PIGK: variants seen among roughly 807,000 people sequenced by gnomAD.
The protein encoded by PIGK is phosphatidylinositol glycan anchor biosynthesis class K.
A neutral mutation model predicts 50.6 loss-of-function variants in PIGK; 42 were observed. The ratio of observed to expected loss-of-function variants is 0.83; its 90% confidence interval spans 0.65 to 1.07. The LOEUF (loss-of-function observed/expected upper bound fraction) is 1.07, where lower values mean the gene tolerates loss of function less well. Ranked by LOEUF, PIGK falls within the 50% of genes least tolerant of loss-of-function variation. PIGK has a pLI of 0.00. For missense variants in PIGK, 448 were observed against 488.7 expected, an observed-to-expected ratio of 0.92 and a Z score of 0.78; for synonymous variants, 151 against 156.0, an observed-to-expected ratio of 0.97 and a Z score of 0.24.
intron 10 of PIGK, among the ~76,000 whole-genome samples, chr1:77,094,854 T>C (rs1308809311): frequency 6.6e-6 from 1 of 152,114 alleles, no homozygotes; most frequent in Non-Finnish European, 1.5e-5. Context: ...GTGTTTCACA[T>C]CTAGACCGCT....
At chr1:77,185,511 G>C (rs1483355571) in intron 3 of PIGK, among the ~76,000 whole-genome samples, 2 of 152,162 alleles carry the variant, frequency 1.3e-5, no homozygotes, top group Non-Finnish European at 2.9e-5. Context: ...CTAAGGTGAA[G>C]GATAAGTTGC....
At chr1:77,189,471 A>C (rs1218262068) in intron 3 of PIGK, among the ~76,000 whole-genome samples, 1 of 152,020 alleles carries the variant, frequency 6.6e-6, no homozygotes, top group African/African-American at 2.4e-5. Context: ...AGTACCATCT[A>C]ATCAGCTGCC....
intron 9 of PIGK, among the ~76,000 whole-genome samples, chr1:77,132,051 C>T (rs1369759987): frequency 2.0e-5 from 3 of 151,942 alleles, no homozygotes; most frequent in Non-Finnish European, 2.9e-5. Context: ...AAGGAGTATC[C>T]TTCAGTTGAA....
At chr1:77,161,972 C>T (rs1313701302) in intron 6 of PIGK, among the ~76,000 whole-genome samples, 1 of 152,142 alleles carries the variant, frequency 6.6e-6, no homozygotes, top group South Asian at 2.1e-4. Flanking sequence ...CCATATAATT[C>T]AGAATCTAAA....
At chr1:77,163,707 T>C in intron 6 of PIGK, 139 bp downstream of exon 6, 1 of 583,806 alleles carries the variant, frequency 1.7e-6, no homozygotes, top group Non-Finnish European at 3.0e-6. Context: ...TCAGAGGAAA[T>C]AACAAATGTA....
In PIGK at chr1:77,198,253, T is replaced by C. The variant is rs1656079821; in HGVS notation, c.239+8387A>G. On this transcript the variant is annotated intron_variant, in intron 3 of 10. Coordinates refer to ENST00000370812, the MANE Select transcript of PIGK (RefSeq NM_005482.3). ...TGATGAATTTGGCAACATAGTATAA[T>C]ATAATCTCAATACCCAATTCTAGTA... 2.6e-5 allele frequency among the ~76,000 whole-genome samples: 4 copies of C among 152,208 alleles called. No individual in the cohort carries two copies. The South Asian group carries it at 8.3e-4, about 32-fold the overall frequency.
intron 3 of PIGK, among the ~76,000 whole-genome samples, chr1:77,201,420 G>T (rs1570260640): frequency 6.6e-6 from 1 of 152,158 alleles, no homozygotes; most frequent in Non-Finnish European, 1.5e-5. Context: ...TGGTAAGATT[G>T]CCCCAGCCAT....
At chr1:77,157,307 T>C (rs1655030155) in intron 8 of PIGK, among the ~76,000 whole-genome samples, 1 of 152,156 alleles carries the variant, frequency 6.6e-6, no homozygotes, top group Admixed American at 6.5e-5. Context: ...ATTACAATAG[T>C]CATCATTAAA....
chr1:77,154,384 G>T, intron 9 of PIGK, 65 bp downstream of exon 9: 2 of 1,280,986 alleles, frequency 1.6e-6, no homozygotes, highest in Non-Finnish European at 2.2e-6. Flanking sequence ...TTAATACAAT[G>T]TTTCAAAAAA....
At chr1:77,145,812 A>C (rs970766778) in intron 9 of PIGK, among the ~76,000 whole-genome samples, 1 of 152,156 alleles carries the variant, frequency 6.6e-6, no homozygotes, top group Non-Finnish European at 1.5e-5. Context: ...TAAAACTACA[A>C]TAATCAAGAA....
chr1:77,149,537 T>C (rs1035354855), intron 9 of PIGK, among the ~76,000 whole-genome samples: 7 of 152,172 alleles, frequency 4.6e-5, no homozygotes, highest in Admixed American at 4.6e-4. Context: ...GGAGTCAATT[T>C]AGCAAGAGAA....
chr1:77,165,817 A>C (rs1279928315), intron 5 of PIGK, among the ~76,000 whole-genome samples: 1 of 152,200 alleles, frequency 6.6e-6, no homozygotes, highest in Non-Finnish European at 1.5e-5. Flanking sequence ...TGTTATTCAT[A>C]CCAATTCTGA....
chr1:77,113,250 T>C (rs988224386), intron 10 of PIGK, among the ~76,000 whole-genome samples: 4 of 152,106 alleles, frequency 2.6e-5, no homozygotes, highest in Non-Finnish European at 5.9e-5. Flanking sequence ...TCTTAGTAAC[T>C]AAGTTGATGA....
chr1:77,145,823 T>C (rs921947510), intron 9 of PIGK, among the ~76,000 whole-genome samples: 2 of 152,012 alleles, frequency 1.3e-5, no homozygotes, highest in African/African-American at 4.8e-5. Flanking sequence ...TAATCAAGAA[T>C]GTAATAGTGG....
At chr1:77,177,187 G>T (rs1249078174) in intron 3 of PIGK, among the ~76,000 whole-genome samples, 1 of 151,888 alleles carries the variant, frequency 6.6e-6, no homozygotes, top group Non-Finnish European at 1.5e-5. Context: ...ACCAGGTAAA[G>T]AAAGCTTTTT....
intron 9 of PIGK, 55 bp downstream of exon 9, chr1:77,154,394 A>C (rs1186313147): frequency 7.3e-7 from 1 of 1,370,980 alleles, no homozygotes; most frequent in East Asian, 2.3e-5. Flanking sequence ...GTTTCAAAAA[A>C]ATGTACAAAC....
At chr1:77,120,765 T>G (rs1654079030) in intron 10 of PIGK, among the ~76,000 whole-genome samples, 1 of 152,214 alleles carries the variant, frequency 6.6e-6, no homozygotes, top group Non-Finnish European at 1.5e-5. Flanking sequence ...ATTCCTATTG[T>G]GTAAAATTTC....
chr1:77,164,080 C>G (rs975564659), intron 5 of PIGK, 138 bp from the exon 6 acceptor site: 2 of 519,440 alleles, frequency 3.9e-6, no homozygotes, highest in South Asian at 6.3e-5. Flanking sequence ...TGAAAACAAA[C>G]AAATTGAATT....
At chr1:77,114,414 G>A (rs1358635321) in intron 10 of PIGK, among the ~76,000 whole-genome samples, 4 of 152,044 alleles carry the variant, frequency 2.6e-5, no homozygotes, top group Non-Finnish European at 4.4e-5. Flanking sequence ...CAACAAAAAT[G>A]AAAAGAAACA....
Sources: gnomAD v4.1 joint callset for allele counts (sites outside exome capture counted in the v4.1 genomes callset) on GRCh38, gnomAD v4.1.1 for gene constraint, MANE v1.5 for transcripts, NCBI Gene and HGNC (gene_info 2026-07-23, HGNC 2026-07-21) for gene names.